The following ERC1 variants were observed in gnomAD, a reference collection of about 807,000 sequenced individuals.
ERC1 encodes ELKS/RAB6-interacting/CAST family member 1, also known as RAB6 interacting protein 2.
In ERC1, 56 loss-of-function variants were observed where a neutral mutation model predicts 132.0. The observed-to-expected ratio is 0.42, with a 90% CI of 0.34 to 0.53. The LOEUF (loss-of-function observed/expected upper bound fraction) is 0.53. ERC1 is among the 20% of genes least tolerant of loss of function. The pLI, the probability that ERC1 is intolerant of heterozygous loss-of-function variation, is 0.03. For synonymous variants in ERC1, 478 were observed against 476.1 expected, an observed-to-expected ratio of 1.00 and a Z score of -0.05; for missense variants, 1,202 against 1,349.9, an observed-to-expected ratio of 0.89 and a Z score of 1.72.
At chr12:1,049,956 T>C (rs1210633875) in intron 2 of ERC1, among the ~76,000 whole-genome samples, 1 of 152,130 alleles carries the variant, frequency 6.6e-6, no homozygotes, top group African/African-American at 2.4e-5. Flanking sequence ...TTGGCCAGGC[T>C]GGTCTCAAAC....
At chr12:1,404,150 T>A (rs1246405619) in intron 16 of ERC1, among the ~76,000 whole-genome samples, 1 of 152,212 alleles carries the variant, frequency 6.6e-6, no homozygotes, top group East Asian at 1.9e-4. Context: ...AAGTGCAAGA[T>A]CAAGGCAGCA....
intron 7 of ERC1, among the ~76,000 whole-genome samples, chr12:1,135,157 G>C (rs1949130556): frequency 6.6e-6 from 1 of 152,134 alleles, no homozygotes. Context: ...GCCCAAAGGG[G>C]GCTTGGGATT....
intron 8 of ERC1, among the ~76,000 whole-genome samples, chr12:1,144,636 G>GTATATATATATATA (rs1353092300): frequency 7.3e-6 from 1 of 137,708 alleles, no homozygotes; most frequent in African/African-American, 3.2e-5. Flanking sequence ...ATATATATAC[G>GTATATATATATATA]TGTATATATA....
chr12:1,304,528 C>T (rs1236448857), intron 15 of ERC1, among the ~76,000 whole-genome samples: 1 of 152,170 alleles, frequency 6.6e-6, no homozygotes, highest in African/African-American at 2.4e-5. Context: ...AGGCAAGATA[C>T]ATGAAAAACA....
At chr12:1,307,102 TA>T (rs1313302365) in intron 15 of ERC1, among the ~76,000 whole-genome samples, 3 of 152,228 alleles carry the variant, frequency 2.0e-5, no homozygotes, top group African/African-American at 7.2e-5. Context: ...CCTGTTTTAC[TA>T]AAGCTCAGCT....
intron 15 of ERC1, among the ~76,000 whole-genome samples, chr12:1,309,883 A>G (rs1480130087): frequency 6.6e-6 from 1 of 152,116 alleles, no homozygotes; most frequent in Non-Finnish European, 1.5e-5. Flanking sequence ...TTCCTCGTCT[A>G]TAGAGTGGTA....
At position 1,284,745 on chromosome 12, in the gene ERC1, A is replaced by G. The variant is rs187388369; in HGVS notation, c.2620-5107A>G. On this transcript the variant is annotated intron_variant, in intron 14 of 18. Transcript: ENST00000360905. ...GAGCGCAGTGGTGTGATCATAGCTC[A>G]CTGCAGCTGCAAACTCCTGGGCTCA... 1.1e-4 allele frequency among the ~76,000 whole-genome samples: 17 copies of G among 152,204 alleles called. No homozygotes were observed. The East Asian group carries it at 3.1e-3, about 28-fold the overall frequency.
At chr12:1,050,998 A>G (rs1971856993) in intron 2 of ERC1, among the ~76,000 whole-genome samples, 1 of 151,346 alleles carries the variant, frequency 6.6e-6, no homozygotes, top group East Asian at 1.9e-4. Context: ...AGTGAGACTC[A>G]GTCTCAAAAA....
chr12:1,276,118 A>G (rs902745128), intron 14 of ERC1, among the ~76,000 whole-genome samples: 26 of 152,164 alleles, frequency 1.7e-4, no homozygotes, highest in South Asian at 4.1e-4. Context: ...GAGTGAAGCA[A>G]TCTCTTCAAC....
chr12:1,385,229 T>C (rs2089182269), intron 16 of ERC1, among the ~76,000 whole-genome samples: 1 of 152,264 alleles, frequency 6.6e-6, no homozygotes, highest in African/African-American at 2.4e-5. Context: ...TGAAAGATTC[T>C]TATAAATCAA....
At chr12:1,160,743 A>C (rs368351168) in intron 8 of ERC1, among the ~76,000 whole-genome samples, 105 of 151,594 alleles carry the variant, frequency 6.9e-4, no homozygotes, top group African/African-American at 2.3e-3. Context: ...AGCCTGTAAA[A>C]TTCCTTCTTC....
rs111243087 is a variant in ERC1 at position 1,289,556 on chromosome 12, T to C, written c.2620-296T>C. Among the ~76,000 whole-genome samples the C allele has an allele frequency of 5.9e-3, 891 of 152,286 alleles. 14 individuals are homozygous for C. The highest frequency in any genetic ancestry group is 0.02 in the African/African-American group (840 of 41,550). On this transcript the variant is annotated intron_variant, in intron 14 of 18. Coordinates refer to ENST00000360905, the MANE Select transcript of ERC1 (RefSeq NM_178040.4). ...CTGGGTCATTTCCAAAGAACTTCCT[T>C]AAAAGGTATTGTCTGTGGCAGCGTG...
At chr12:1,466,582 A>G (rs2093747693) in intron 18 of ERC1, among the ~76,000 whole-genome samples, 1 of 152,168 alleles carries the variant, frequency 6.6e-6, no homozygotes, top group Admixed American at 6.5e-5. Flanking sequence ...CTGACTGTCA[A>G]ACAAGCTCTG....
At chr12:1,487,757 CAAGG>C (rs1315956925) in intron 18 of ERC1, among the ~76,000 whole-genome samples, 1 of 131,722 alleles carries the variant, frequency 7.6e-6, no homozygotes, top group East Asian at 2.8e-4. Flanking sequence ...GGGTAGGAGG[CAAGG>C]AGGGAGGGAG....
At chr12:1,289,538 A>G (rs2079287170) in intron 14 of ERC1, among the ~76,000 whole-genome samples, 1 of 152,078 alleles carries the variant, frequency 6.6e-6, no homozygotes, top group Non-Finnish European at 1.5e-5. Flanking sequence ...TTTCTGGGTC[A>G]TTTCCAAAGA....
chr12:1,074,070 G>T (rs902331377), intron 2 of ERC1, among the ~76,000 whole-genome samples: 3 of 151,900 alleles, frequency 2.0e-5, no homozygotes, highest in Non-Finnish European at 2.9e-5. Flanking sequence ...CACCATGATG[G>T]CCAGGATGGT....
At chr12:1,399,347 C>G (rs531287820) in intron 16 of ERC1, among the ~76,000 whole-genome samples, 1 of 152,160 alleles carries the variant, frequency 6.6e-6, no homozygotes, top group African/African-American at 2.4e-5. Flanking sequence ...ATTCACATCC[C>G]ATGCAATTTA....
rs182976303 is a variant in ERC1, at chr12:1,301,975, G to A, written c.2780+11963G>A. Among the ~76,000 whole-genome samples, 268 of 152,148 alleles carry A rather than the reference G, an allele frequency of 1.8e-3. 1 individual carries two copies. Among genetic ancestry groups the A allele is most frequent in the Admixed American group, 4.6e-3 (71 of 15,286 alleles). ...AGAAACTCATTCACAAAATAAAGAA[G>A]GTATTATAGAAATACTTACCAAGTC... On this transcript the variant is annotated intron_variant, in intron 15 of 18. Coordinates refer to ENST00000360905, the MANE Select transcript of ERC1 (RefSeq NM_178040.4).
intron 10 of ERC1, among the ~76,000 whole-genome samples, chr12:1,182,846 T>C (rs568523746): frequency 2.6e-5 from 4 of 152,114 alleles, no homozygotes; most frequent in African/African-American, 9.7e-5. Context: ...AAATTTTTTT[T>C]TGTGAAGACA....
Sources: allele counts gnomAD v4.1 joint callset (sites outside exome capture counted in the v4.1 genomes callset), GRCh38; gene constraint gnomAD v4.1.1; transcripts MANE v1.5; gene names NCBI Gene and HGNC (gene_info 2026-07-23, HGNC 2026-07-21).